Variants in TPRG1 observed in about 807,000 individuals in gnomAD.
TPRG1 encodes the protein tumor protein p63-regulated gene 1 protein.
A neutral mutation model predicts 29.3 loss-of-function variants in TPRG1; 29 were observed. That is an observed-to-expected ratio of 0.99 (90% CI 0.74 to 1.35). TPRG1 has a LOEUF of 1.35. Among genes scored for constraint, TPRG1 ranks in the 40% most tolerant of loss-of-function variants. The probability of loss-of-function intolerance (pLI) is 0.00; values close to 1 mark genes in which losing one functional copy is unlikely to be tolerated. For synonymous variants in TPRG1, 130 were observed against 116.8 expected, an observed-to-expected ratio of 1.11 and a Z score of -0.73; for missense variants, 327 against 335.0, an observed-to-expected ratio of 0.98 and a Z score of 0.19.
At chr3:189,059,167 T>A (rs1715926515) in intron 4 of TPRG1, among the ~76,000 whole-genome samples, 1 of 152,204 alleles carries the variant, frequency 6.6e-6, no homozygotes, top group African/African-American at 2.4e-5. Flanking sequence ...AGGATTGTTT[T>A]GAGGATGACA....
intron 2 of TPRG1, among the ~76,000 whole-genome samples, chr3:189,130,171 T>A (rs1315791818): frequency 6.6e-6 from 1 of 152,230 alleles, no homozygotes; most frequent in Non-Finnish European, 1.5e-5. Context: ...ACATACATCA[T>A]GTGCCATGGG....
exon 2 of TPRG1, chr3:189,127,080 G>A (rs1360262632): frequency 6.6e-6 from 1 of 152,142 alleles, no homozygotes; most frequent in Non-Finnish European, 1.5e-5. Context: ...GATGGCCTGT[G>A]CAAAAAGACA....
chr3:189,279,903 A>C (rs1716808756), intron 4 of TPRG1, among the ~76,000 whole-genome samples: 1 of 152,210 alleles, frequency 6.6e-6, no homozygotes, highest in Admixed American at 6.5e-5. Flanking sequence ...GTATGAATGA[A>C]CGGGAAAACT....
chr3:189,086,453 G>A (rs914508295), intron 4 of TPRG1, among the ~76,000 whole-genome samples: 1 of 151,930 alleles, frequency 6.6e-6, no homozygotes, highest in East Asian at 1.9e-4. Flanking sequence ...GGAGCTTCTG[G>A]GCTCAAGCAA....
chr3:189,278,028 A>G (rs1287343327), intron 4 of TPRG1, among the ~76,000 whole-genome samples: 1 of 152,072 alleles, frequency 6.6e-6, no homozygotes, highest in African/African-American at 2.4e-5. Flanking sequence ...GCATTACATC[A>G]TTTCCTTTCT....
At chr3:189,230,587 G>A (rs376710638) in intron 3 of TPRG1, among the ~76,000 whole-genome samples, 30 of 152,156 alleles carry the variant, frequency 2.0e-4, no homozygotes, top group African/African-American at 5.5e-4. Flanking sequence ...ACAGCATTTC[G>A]CTTTACCTAG....
At chr3:189,280,623 T>C (rs750999058) in intron 4 of TPRG1, among the ~76,000 whole-genome samples, 3 of 152,048 alleles carry the variant, frequency 2.0e-5, no homozygotes, top group Non-Finnish European at 2.9e-5. Flanking sequence ...AACAAGAAGC[T>C]TGGGGAAGGT....
At chr3:189,101,467 C>A (rs1012983762) in intron 1 of TPRG1, among the ~76,000 whole-genome samples, 1 of 152,214 alleles carries the variant, frequency 6.6e-6, no homozygotes, top group Non-Finnish European at 1.5e-5. Flanking sequence ...CACTCACCCC[C>A]CACTGTCAAC....
chr3:189,208,714 A>G (rs1414557624), intron 2 of TPRG1, among the ~76,000 whole-genome samples: 1 of 152,184 alleles, frequency 6.6e-6, no homozygotes, highest in Non-Finnish European at 1.5e-5. Context: ...TTTCCGAAGT[A>G]TGTGAACTTT....
intron 5 of TPRG1, chr3:189,315,770 G>A: frequency 4.8e-6 from 1 of 208,672 alleles, no homozygotes; most frequent in South Asian, 6.1e-5. Flanking sequence ...TACATGATGA[G>A]CAATATTCTG....
intron 5 of TPRG1, among the ~76,000 whole-genome samples, chr3:189,155,680 T>C (rs1456687007): frequency 6.6e-6 from 1 of 152,232 alleles, no homozygotes; most frequent in Non-Finnish European, 1.5e-5. Flanking sequence ...TCCTGTCATT[T>C]GTGACAACAT....
chr3:189,220,045 G>T (rs1275291053), intron 3 of TPRG1, among the ~76,000 whole-genome samples: 1 of 152,104 alleles, frequency 6.6e-6, no homozygotes, highest in Non-Finnish European at 1.5e-5. Flanking sequence ...TTTGAATCCT[G>T]GATCTACTAC....
intron 3 of TPRG1, among the ~76,000 whole-genome samples, chr3:189,228,759 G>A (rs1405271385): frequency 1.3e-5 from 2 of 152,060 alleles, no homozygotes; most frequent in Non-Finnish European, 2.9e-5. Context: ...AATACTGGAA[G>A]TTCTAGCCAG....
intron 4 of TPRG1, among the ~76,000 whole-genome samples, chr3:189,046,450 G>A (rs1377118733): frequency 1.3e-5 from 2 of 152,188 alleles, no homozygotes; most frequent in African/African-American, 4.8e-5. Context: ...TCTTTGGGCA[G>A]TATCTAGGAA....
intron 1 of TPRG1, among the ~76,000 whole-genome samples, chr3:189,116,649 A>G (rs898011987): frequency 6.6e-6 from 1 of 152,210 alleles, no homozygotes. Context: ...ACTTGCATGA[A>G]CATTGGTGAC....
At chr3:189,027,324 C>T (rs949987853) in intron 4 of TPRG1, among the ~76,000 whole-genome samples, 3 of 152,176 alleles carry the variant, frequency 2.0e-5, no homozygotes, top group African/African-American at 7.2e-5. Context: ...ATTCAGAATG[C>T]CTACAAGCAA....
intron 4 of TPRG1, among the ~76,000 whole-genome samples, chr3:189,255,652 C>T (rs1421878705): frequency 1.3e-5 from 2 of 152,166 alleles, no homozygotes; most frequent in Non-Finnish European, 2.9e-5. Flanking sequence ...CCATCTGGTC[C>T]TGGGCTTTTT....
At chr3:189,249,148 AG>A (rs934765136) in intron 4 of TPRG1, among the ~76,000 whole-genome samples, 37 of 151,640 alleles carry the variant, frequency 2.4e-4, no homozygotes, top group Non-Finnish European at 1.5e-5. Flanking sequence ...AGCTACATTT[AG>A]TTATATACAT....
At chr3:189,171,615 G>A (rs781491606), upstream of TPRG1, among the ~76,000 whole-genome samples, 1 of 152,200 alleles carries the variant, frequency 6.6e-6, no homozygotes, top group African/African-American at 2.4e-5. Context: ...AAGAGTGGTA[G>A]TGATGCTTAA....
Sources: allele counts gnomAD v4.1 joint callset (sites outside exome capture counted in the v4.1 genomes callset), GRCh38; gene constraint gnomAD v4.1.1; transcripts MANE v1.5; gene names NCBI Gene and HGNC (gene_info 2026-07-23, HGNC 2026-07-21).